The following CUL1 variants were observed in gnomAD, a reference collection of about 807,000 sequenced individuals.
CUL1 encodes cullin 1.
CUL1 carries 24 observed loss-of-function variants against 118.0 expected under a neutral mutation model. The observed-to-expected ratio is 0.20, with a 90% CI of 0.15 to 0.29. CUL1 has a LOEUF of 0.29. Ranked by LOEUF, CUL1 falls within the 10% of genes least tolerant of loss-of-function variation. The pLI is 1.00. For missense variants in CUL1, 361 were observed against 933.8 expected (o/e 0.39, Z 7.99); for synonymous variants, 332 against 340.4 (o/e 0.98, Z 0.27).
Position 148,793,726 on chromosome 7 carries a change from A to G in CUL1, c.1899+908A>G, listed in dbSNP as rs1383909687. Reference sequence around the variant, plus strand: ...TTTAAGTTGTTTCCAATTATGAACAATGCTGCTGTGAATACATGTTTTCAA... The same window carrying G: ...TTTAAGTTGTTTCCAATTATGAACAGTGCTGCTGTGAATACATGTTTTCAA... On this transcript the variant is annotated intron_variant, in intron 17 of 21. Coordinates refer to ENST00000325222, the MANE Select transcript of CUL1 (RefSeq NM_003592.3). Among the ~76,000 whole-genome samples, 4 of 152,346 alleles carry G rather than the reference A, an allele frequency of 2.6e-5. No individual in the cohort carries two copies. The East Asian group carries it at 7.7e-4, about 29-fold the overall frequency.
chr7:148,711,906 G>A (rs1484810702), intron 1 of CUL1, among the ~76,000 whole-genome samples: 1 of 152,222 alleles, frequency 6.6e-6, no homozygotes, highest in Non-Finnish European at 1.5e-5. Flanking sequence ...AGCGTTTGTG[G>A]TTGACTAAGG....
chr7:148,773,374 T>G (rs1156780876), intron 9 of CUL1, among the ~76,000 whole-genome samples: 1 of 152,040 alleles, frequency 6.6e-6, no homozygotes, highest in African/African-American at 2.4e-5. Context: ...TAAGGCCAGC[T>G]CAAATCCTCC....
At chr7:148,708,600 T>C (rs546368412) in intron 1 of CUL1, among the ~76,000 whole-genome samples, 2 of 152,380 alleles carry the variant, frequency 1.3e-5, no homozygotes, top group South Asian at 4.1e-4. Context: ...GAGTGGGCTC[T>C]GCTCTTTGTC....
At chr7:148,755,396 C>A (rs995066725) in intron 3 of CUL1, among the ~76,000 whole-genome samples, 1 of 152,172 alleles carries the variant, frequency 6.6e-6, no homozygotes, top group East Asian at 1.9e-4. Flanking sequence ...ACACAATGTG[C>A]AAAAATTCTG....
intron 1 of CUL1, among the ~76,000 whole-genome samples, chr7:148,703,075 A>G (rs1226341701): frequency 3.3e-5 from 5 of 152,164 alleles, no homozygotes; most frequent in African/African-American, 9.7e-5. Context: ...GGACAGGATA[A>G]CTCCGGAGCT....
intron 17 of CUL1, among the ~76,000 whole-genome samples, chr7:148,796,045 T>A (rs1360319009): frequency 1.3e-5 from 2 of 152,218 alleles, no homozygotes; most frequent in African/African-American, 2.4e-5. Flanking sequence ...ATCCTTGTCT[T>A]GTTACTGCCC....
chr7:148,790,153 T>C (rs1800956445), intron 15 of CUL1, among the ~76,000 whole-genome samples, 157 bp from the exon 16 acceptor site: 1 of 152,214 alleles, frequency 6.6e-6, no homozygotes, highest in South Asian at 2.1e-4. Context: ...GTGCTTAAAG[T>C]GCTTTACAAG....
chr7:148,745,359 G>C (rs557016739), intron 2 of CUL1, among the ~76,000 whole-genome samples: 27 of 152,166 alleles, frequency 1.8e-4, no homozygotes, highest in African/African-American at 6.3e-4. Context: ...ATTGTCTTTT[G>C]TCTTGAGAGT....
rs558112076 is a variant in CUL1 at position 148,730,295 on chromosome 7, A to G, written c.140+33A>G. 37 of 1,574,520 alleles carry G rather than the reference A, an allele frequency of 2.3e-5. No individual in the cohort carries two copies. The South Asian group carries it at 3.7e-4, about 16-fold the overall frequency. On this transcript the variant is annotated intron_variant, in intron 2 of 21. Transcript: ENST00000325222. ...CCTGCCTAGCGCAGGTTGATTGCTT[A>G]GAGTTTTGATTATTTACTAGTATGA...
At chr7:148,710,969 A>G (rs879457583) in intron 1 of CUL1, among the ~76,000 whole-genome samples, 1 of 152,072 alleles carries the variant, frequency 6.6e-6, no homozygotes, top group Non-Finnish European at 1.5e-5. Flanking sequence ...TGCCCAGCCC[A>G]CATTTTCTCC....
rs1374169755 is a variant in CUL1, at chr7:148,787,485, G to T, written c.1479+365G>T. On this transcript the variant is annotated intron_variant, in intron 13 of 21. Transcript: ENST00000325222. This position sits in a 1 kb window ranked among gnomAD's most constrained non-coding sequence, Gnocchi z 5.5. ...TCAGAAAAAAATAAAAAAGCTCTTAGTCTCTCCAGGTTATGAGGCAGGCAG... is the reference window on the plus strand; with the variant it reads ...TCAGAAAAAAATAAAAAAGCTCTTATTCTCTCCAGGTTATGAGGCAGGCAG... Among the ~76,000 whole-genome samples, 1 of 152,034 alleles carries T rather than the reference G, an allele frequency of 6.6e-6. No individual in the cohort carries two copies. The highest frequency in any genetic ancestry group is 2.4e-5 in the African/African-American group (1 of 41,398).
At chr7:148,763,331 C>G (rs538120096) in intron 7 of CUL1, among the ~76,000 whole-genome samples, 1 of 152,174 alleles carries the variant, frequency 6.6e-6, no homozygotes, top group Non-Finnish European at 1.5e-5. Context: ...AGGTTTGGCC[C>G]GGATCCACTT....
chr7:148,774,474 G>A (rs1487594433), intron 9 of CUL1, among the ~76,000 whole-genome samples: 2 of 152,182 alleles, frequency 1.3e-5, no homozygotes, highest in Non-Finnish European at 2.9e-5. Flanking sequence ...AGACTTGTAA[G>A]TTCCTGTTAA....
intron 1 of CUL1, among the ~76,000 whole-genome samples, chr7:148,711,209 C>A (rs1026929395): frequency 3.3e-5 from 5 of 152,180 alleles, no homozygotes; most frequent in Admixed American, 1.3e-4. Flanking sequence ...CATACTCTCT[C>A]CCCAGTGTCC....
At chr7:148,743,897 A>G (rs28660433) in intron 2 of CUL1, among the ~76,000 whole-genome samples, 4,881 of 152,254 alleles carry the variant, frequency 0.032, 223 homozygotes, top group African/African-American at 0.1. Context: ...ACTCCAGCCT[A>G]GGTGACAGAG....
rs745673841 is a variant in CUL1, at chr7:148,787,839, C to T, written c.1480-718C>T. Among the ~76,000 whole-genome samples the T allele has an allele frequency of 5.9e-5, 9 of 152,224 alleles. No individual in the cohort carries two copies. The highest frequency in any genetic ancestry group is 2.1e-4 in the South Asian group (1 of 4,832). ...CCACCTCCTTTGCGTGCCTGTGTGT[C>T]GGCGCTGTCGAGTGCTCTTATCTGA... On this transcript the variant is annotated intron_variant, in intron 13 of 21. Coordinates refer to ENST00000325222, the MANE Select transcript of CUL1 (RefSeq NM_003592.3). This position sits in a 1 kb window ranked among gnomAD's most constrained non-coding sequence, Gnocchi z 5.5.
At chr7:148,752,028 C>T (rs776061256) in intron 2 of CUL1, among the ~76,000 whole-genome samples, 3 of 152,072 alleles carry the variant, frequency 2.0e-5, no homozygotes, top group Non-Finnish European at 4.4e-5. Flanking sequence ...GCAGGAGAAT[C>T]GCTTGAACCC....
chr7:148,704,016 G>C (rs1299491485), intron 1 of CUL1, among the ~76,000 whole-genome samples: 2 of 152,114 alleles, frequency 1.3e-5, no homozygotes, highest in African/African-American at 4.8e-5. Context: ...GAGTACTTTA[G>C]AATAATAAAA....
chr7:148,749,569 A>C (rs1447768522), intron 2 of CUL1, among the ~76,000 whole-genome samples: 1 of 152,112 alleles, frequency 6.6e-6, no homozygotes, highest in East Asian at 1.9e-4. Flanking sequence ...CACACACTGC[A>C]CCCATCTAAA....
Sources: allele counts gnomAD v4.1 joint callset (sites outside exome capture counted in the v4.1 genomes callset), GRCh38; gene constraint gnomAD v4.1.1; non-coding constraint Gnocchi (gnomAD v3.1); transcripts MANE v1.5; gene names NCBI Gene and HGNC (gene_info 2026-07-23, HGNC 2026-07-21).